ANKS1B: variants seen among roughly 807,000 people sequenced by gnomAD.
ANKS1B encodes the protein ankyrin repeat and sterile alpha motif domain-containing protein 1B.
In ANKS1B, 36 loss-of-function variants were observed where a neutral mutation model predicts 148.3. The observed-to-expected ratio is 0.24, with a 90% confidence interval of 0.19 to 0.32. The LOEUF (loss-of-function observed/expected upper bound fraction) is 0.32, where lower values mean the gene tolerates loss of function less well. Ranked by LOEUF, ANKS1B falls within the 10% of genes least tolerant of loss-of-function variation. ANKS1B has a pLI of 1.00. For missense variants in ANKS1B, 1,157 were observed against 1,542.6 expected, an observed-to-expected ratio of 0.75 and a Z score of 4.19; for synonymous variants, 542 against 560.8, an observed-to-expected ratio of 0.97 and a Z score of 0.47.
chr12:99,343,387 C>T (rs2090206558), intron 12 of ANKS1B, among the ~76,000 whole-genome samples: 1 of 152,080 alleles, frequency 6.6e-6, no homozygotes, highest in African/African-American at 2.4e-5. Context: ...CAAACACTGT[C>T]TGACATTCCT....
chr12:98,888,446 A>G (rs1470780203), intron 17 of ANKS1B, among the ~76,000 whole-genome samples: 2 of 152,196 alleles, frequency 1.3e-5, no homozygotes, highest in African/African-American at 4.8e-5. Context: ...GTCTTTACAC[A>G]GCAGCCAGGG....
chr12:99,033,171 A>G (rs1213276792), intron 17 of ANKS1B, among the ~76,000 whole-genome samples: 2 of 152,188 alleles, frequency 1.3e-5, no homozygotes, highest in African/African-American at 4.8e-5. Context: ...ATGAATGCAA[A>G]TATGTGGGGA....
intron 12 of ANKS1B, among the ~76,000 whole-genome samples, chr12:99,287,961 GA>G (rs1210031488): frequency 6.6e-6 from 1 of 152,154 alleles, no homozygotes; most frequent in Non-Finnish European, 1.5e-5. Flanking sequence ...TAATCTTTAA[GA>G]GGAGGTAAAG....
At chr12:99,968,052 A>G (rs1240712494) in intron 1 of ANKS1B, among the ~76,000 whole-genome samples, 2 of 152,228 alleles carry the variant, frequency 1.3e-5, no homozygotes, top group East Asian at 3.8e-4. Context: ...GAAGCCAAAG[A>G]ATGCCTTAGA....
intron 17 of ANKS1B, among the ~76,000 whole-genome samples, chr12:98,911,112 T>A (rs540788348): frequency 4.0e-5 from 6 of 148,664 alleles, no homozygotes; most frequent in South Asian, 4.3e-4. Flanking sequence ...ATTTTTTTTT[T>A]AAACTGTGAT....
intron 16 of ANKS1B, 121 bp downstream of exon 16, chr12:99,084,804 T>C: frequency 1.4e-6 from 1 of 696,282 alleles, no homozygotes; most frequent in Non-Finnish European, 2.4e-6. Flanking sequence ...TAAGAAGATC[T>C]GCTCTTGAGG....
At chr12:99,582,973 T>C (rs1488990843) in intron 9 of ANKS1B, among the ~76,000 whole-genome samples, 2 of 152,158 alleles carry the variant, frequency 1.3e-5, no homozygotes, top group South Asian at 2.1e-4. Flanking sequence ...GGTGTACTTA[T>C]ATTATTTGAT....
intron 17 of ANKS1B, among the ~76,000 whole-genome samples, chr12:98,849,861 T>C (rs552387164): frequency 2.8e-4 from 42 of 152,230 alleles, no homozygotes; most frequent in Non-Finnish European, 5.0e-4. Context: ...ATTTAAACTT[T>C]GAATTTCAAC....
intron 12 of ANKS1B, among the ~76,000 whole-genome samples, chr12:99,379,095 C>A (rs1382957362): frequency 3.3e-5 from 5 of 152,220 alleles, no homozygotes; most frequent in South Asian, 2.1e-4. Context: ...GGAGACTCAA[C>A]TGCAAAAGGA....
intron 17 of ANKS1B, among the ~76,000 whole-genome samples, chr12:98,913,937 C>T (rs922837803): frequency 2.6e-5 from 4 of 152,186 alleles, no homozygotes; most frequent in African/African-American, 9.6e-5. Context: ...TAGCAGTTTT[C>T]TTTATGTCAG....
At chr12:99,005,212 G>T (rs952289325) in intron 17 of ANKS1B, among the ~76,000 whole-genome samples, 2 of 152,222 alleles carry the variant, frequency 1.3e-5, no homozygotes, top group African/African-American at 4.8e-5. Flanking sequence ...AAATGCGGGA[G>T]CGTAGCTGTG....
Position 99,193,793 on chromosome 12 carries a change from C to CTTTT in ANKS1B, c.2420-39402_2420-39399dup, listed in dbSNP as rs34024548. On this transcript the variant is annotated intron_variant, in intron 14 of 26. Transcript: ENST00000683438. The stretch of plus-strand genomic sequence containing the variant: ...ACAGATTTTCCATGTATTTCTAGTT[C>CTTTT]TTTTTTTTTTTTTTTTTTTTTTTTT... 3.4e-4 allele frequency among the ~76,000 whole-genome samples: 23 copies of CTTTT among 66,800 alleles called. 1 individual carries two copies. The highest frequency in any genetic ancestry group is 5.6e-4 in the East Asian group (1 of 1,792). The allele number at this position is 66,800 out of a possible 152,430, so 43.8% of individuals were successfully genotyped here.
intron 8 of ANKS1B, among the ~76,000 whole-genome samples, chr12:99,754,525 A>G (rs1328405067): frequency 6.6e-6 from 1 of 151,884 alleles, no homozygotes; most frequent in Non-Finnish European, 1.5e-5. Flanking sequence ...TATTTACAGA[A>G]CTCTCCCCCA....
chr12:99,207,839 A>G (rs2082871245), intron 14 of ANKS1B, among the ~76,000 whole-genome samples: 1 of 152,116 alleles, frequency 6.6e-6, no homozygotes, highest in Non-Finnish European at 1.5e-5. Context: ...CCAAAGTAGA[A>G]AAAGTATTGA....
chr12:98,923,170 A>T (rs2099803722), intron 17 of ANKS1B, among the ~76,000 whole-genome samples: 1 of 152,116 alleles, frequency 6.6e-6, no homozygotes, highest in East Asian at 1.9e-4. Context: ...TGAAAGTGAG[A>T]ATGGGTTGTT....
intron 1 of ANKS1B, among the ~76,000 whole-genome samples, chr12:99,962,430 A>C (rs1489913821): frequency 6.6e-6 from 1 of 151,954 alleles, no homozygotes; most frequent in Non-Finnish European, 1.5e-5. Context: ...TATGTACCAC[A>C]TTTTCTTTAT....
intron 12 of ANKS1B, among the ~76,000 whole-genome samples, chr12:99,302,332 T>C (rs1477139361): frequency 6.6e-6 from 1 of 152,120 alleles, no homozygotes; most frequent in Non-Finnish European, 1.5e-5. Flanking sequence ...CTTTATGCAC[T>C]CTCCTCCCAG....
At position 99,012,130 on chromosome 12, in the gene ANKS1B, A is replaced by T. The variant is rs559724775; in HGVS notation, c.2778+41027T>A. 2.8e-4 allele frequency among the ~76,000 whole-genome samples: 43 copies of T among 152,338 alleles called. No individual in the cohort carries two copies. In the East Asian group the frequency reaches 8.1e-3, roughly 29 times the overall value. ...TTCCCTAGTGTTTTTCATAGACTAA[A>T]CAGTGCATAAGCAACCCCAAATTCG... On this transcript the variant is annotated intron_variant, in intron 17 of 26. Coordinates refer to ENST00000683438, the MANE Select transcript of ANKS1B (RefSeq NM_001352186.2).
chr12:99,288,354 C>T (rs901755704), intron 12 of ANKS1B, among the ~76,000 whole-genome samples: 18 of 152,032 alleles, frequency 1.2e-4, no homozygotes, highest in Admixed American at 6.6e-5. Context: ...AAGATCTTCC[C>T]AGGCAAACAA....
Sources: allele counts gnomAD v4.1 joint callset (sites outside exome capture counted in the v4.1 genomes callset), GRCh38; gene constraint gnomAD v4.1.1; transcripts MANE v1.5; gene names NCBI Gene and HGNC (gene_info 2026-07-23, HGNC 2026-07-21).